The following CRISP1 variants were observed in gnomAD, a reference collection of about 807,000 sequenced individuals.
CRISP1 encodes the protein cysteine-rich secretory protein 1.
In CRISP1, 44 loss-of-function variants were observed where a neutral mutation model predicts 33.1. The observed-to-expected ratio is 1.33, with a 90% CI of 1.05 to 1.71. The LOEUF (loss-of-function observed/expected upper bound fraction) is 1.71. Among genes scored for constraint, CRISP1 ranks in the 40% most tolerant of loss-of-function variants. The pLI is 0.00. For missense variants in CRISP1, 390 were observed against 301.2 expected, an observed-to-expected ratio of 1.29 and a Z score of -2.18; for synonymous variants, 103 against 98.7, an observed-to-expected ratio of 1.04 and a Z score of -0.26.
At chr6:49,873,467 G>T (rs1327748991) in intron 1 of CRISP1, among the ~76,000 whole-genome samples, 3 of 152,010 alleles carry the variant, frequency 2.0e-5, no homozygotes, top group African/African-American at 7.2e-5. Context: ...CTAGCATAAA[G>T]CAACCACCCT....
At chr6:49,876,509 C>T (rs7762683) in intron 1 of CRISP1, among the ~76,000 whole-genome samples, 1 of 151,786 alleles carries the variant, frequency 6.6e-6, no homozygotes, top group Non-Finnish European at 1.5e-5. Flanking sequence ...CAGAAATACC[C>T]TTTGACCCAG....
chr6:49,840,577 A>G (rs1436370698), intron 6 of CRISP1, among the ~76,000 whole-genome samples: 2 of 152,208 alleles, frequency 1.3e-5, no homozygotes, highest in Non-Finnish European at 2.9e-5. Flanking sequence ...AATTACCTGA[A>G]GAATCAATGA....
At chr6:49,875,009 A>G (rs770184471) in intron 1 of CRISP1, among the ~76,000 whole-genome samples, 1 of 152,078 alleles carries the variant, frequency 6.6e-6, no homozygotes, top group Non-Finnish European at 1.5e-5. Context: ...CAAGACGAGG[A>G]TGCCCTTTCA....
Position 49,838,436 on chromosome 6 carries a change from C to A in CRISP1, c.622+1G>T. The A allele has an allele frequency of 6.2e-7, 1 of 1,605,820 alleles. No individual in the cohort carries two copies. Among genetic ancestry groups the A allele is most frequent in the Non-Finnish European group, 8.5e-7 (1 of 1,173,890 alleles). On this transcript the variant is annotated splice_donor_variant, in intron 7 of 7. Transcript: ENST00000335847. LOFTEE classifies it high-confidence loss of function. ...AACAAACAGAATGCAAACAAACTTA[C>A]TGCAAAGTTTGTCTTCACAGTTACT...
At chr6:49,856,914 G>A (rs9918425) in intron 2 of CRISP1, among the ~76,000 whole-genome samples, 5,773 of 152,088 alleles carry the variant, frequency 0.038, 375 homozygotes, top group African/African-American at 0.13. Context: ...AGCTCCTCAC[G>A]TTGCTCTTTG....
chr6:49,848,833 T>G (rs1771264274), intron 3 of CRISP1, among the ~76,000 whole-genome samples: 1 of 152,080 alleles, frequency 6.6e-6, no homozygotes, highest in South Asian at 2.1e-4. Context: ...AAATAAAAGC[T>G]AACACCACAT....
chr6:49,850,813 CTGTT>C (rs1286633214), intron 3 of CRISP1, among the ~76,000 whole-genome samples: 1 of 152,096 alleles, frequency 6.6e-6, no homozygotes, highest in Non-Finnish European at 1.5e-5. Context: ...TTCTTTAACT[CTGTT>C]TGTACCTCCT....
At chr6:49,837,364 A>G (rs1191470747) in intron 7 of CRISP1, among the ~76,000 whole-genome samples, 1 of 151,696 alleles carries the variant, frequency 6.6e-6, no homozygotes, top group Non-Finnish European at 1.5e-5. Flanking sequence ...CACCACAGAC[A>G]TTGCTTTTCT....
chr6:49,848,781 C>G lies in CRISP1; in HGVS notation c.196-482G>C, dbSNP rs62404910. 1.8e-3 allele frequency among the ~76,000 whole-genome samples: 269 copies of G among 151,994 alleles called. 1 individual carries two copies. Among genetic ancestry groups the G allele is most frequent in the Non-Finnish European group, 3.2e-3 (219 of 67,960 alleles). ...AATAAATGCTGGCTGTGATTAGAAG[C>G]AAGTATAGAGTCATATTTCCATCTA... On this transcript the variant is annotated intron_variant, in intron 3 of 7. Transcript: ENST00000335847.
At chr6:49,856,327 T>C (rs540270934) in intron 2 of CRISP1, among the ~76,000 whole-genome samples, 5 of 152,298 alleles carry the variant, frequency 3.3e-5, no homozygotes, top group African/African-American at 1.2e-4. Context: ...GTGGCTATAC[T>C]TCAGGTTAGC....
intron 1 of CRISP1, among the ~76,000 whole-genome samples, chr6:49,858,008 C>T (rs1307832522): frequency 6.6e-6 from 1 of 152,060 alleles, no homozygotes; most frequent in Non-Finnish European, 1.5e-5. Flanking sequence ...GATAATAAAC[C>T]TGTATTTATT....
chr6:49,835,228 A>G lies in CRISP1; in HGVS notation c.*88T>C. On this transcript the variant is annotated 3_prime_UTR_variant, in exon 8 of 8. Transcript: ENST00000335847. ...GATTAAAATCAGTGAAATTTAGCAG[A>G]AGCTACTGAACTATAGCAAAAGACA... 1 of 1,364,558 alleles carries G rather than the reference A, an allele frequency of 7.3e-7. No homozygotes were observed. Among genetic ancestry groups the G allele is most frequent in the Non-Finnish European group, 1.0e-6 (1 of 1,000,520 alleles). 84.5% of individuals were successfully genotyped at this position (1,364,558 alleles called of 1,614,324 possible). A position where few individuals can be genotyped will look rare whatever the true frequency, so the allele number is the denominator to read the frequency against.
intron 3 of CRISP1, among the ~76,000 whole-genome samples, chr6:49,848,978 C>G (rs1771269096): frequency 6.6e-6 from 1 of 152,020 alleles, no homozygotes; most frequent in Non-Finnish European, 1.5e-5. Flanking sequence ...TTTTCGGGGT[C>G]ACACTATAAA....
chr6:49,864,542 C>T (rs1351054345), intron 1 of CRISP1, among the ~76,000 whole-genome samples: 1 of 151,926 alleles, frequency 6.6e-6, no homozygotes, highest in African/African-American at 2.4e-5. Flanking sequence ...ATCATACTTC[C>T]ATCAGCTTCA....
intron 1 of CRISP1, among the ~76,000 whole-genome samples, chr6:49,859,432 A>G (rs1034931202): frequency 1.3e-5 from 2 of 151,996 alleles, no homozygotes; most frequent in African/African-American, 4.8e-5. Context: ...CCACCTATGG[A>G]TACTATAACG....
chr6:49,847,434 G>A (rs986397746), intron 4 of CRISP1, among the ~76,000 whole-genome samples: 1 of 152,102 alleles, frequency 6.6e-6, no homozygotes, highest in South Asian at 2.1e-4. Context: ...ATGAGATCTG[G>A]TTGTTTAAAA....
chr6:49,861,713 G>A (rs1001981744), intron 1 of CRISP1, among the ~76,000 whole-genome samples: 6 of 151,962 alleles, frequency 3.9e-5, no homozygotes, highest in East Asian at 1.9e-4. Context: ...GTGAAACCTC[G>A]TCTCTACTAA....
At chr6:49,845,713 A>AG (rs1426426292) in intron 5 of CRISP1, among the ~76,000 whole-genome samples, 1 of 151,822 alleles carries the variant, frequency 6.6e-6, no homozygotes, top group East Asian at 1.9e-4. Context: ...TAGCCAAAAA[A>AG]AAAAATGGAA....
rs1561936349 is a variant in CRISP1 at position 49,835,382 on chromosome 6, T to TC, written c.683dup (p.Cys229MetfsTer11). ...ATAGGATAGTTGTTGAGTGGTTGCA[T>TC]CCCAGATAATGGACTTGTATGTCAC... On this transcript the variant is annotated frameshift_variant, in exon 8 of 8. Coordinates refer to ENST00000335847, the MANE Select transcript of CRISP1 (RefSeq NM_001131.3). LOFTEE classifies it high-confidence loss of function. 6.2e-7 allele frequency: 1 copy of TC among 1,613,694 alleles called. No homozygotes were observed. The highest frequency in any genetic ancestry group is 1.7e-4 in the Middle Eastern group (1 of 6,058).
Sources: allele counts gnomAD v4.1 joint callset (sites outside exome capture counted in the v4.1 genomes callset), GRCh38; gene constraint gnomAD v4.1.1; transcripts MANE v1.5; gene names NCBI Gene and HGNC (gene_info 2026-07-23, HGNC 2026-07-21).